The following PSD4 variants were observed in gnomAD, a reference collection of about 807,000 sequenced individuals.
PSD4 encodes the protein PH and SEC7 domain-containing protein 4.
Under a neutral mutation model 112.5 loss-of-function variants are expected in PSD4, and 59 were observed. The observed-to-expected ratio is 0.52, with a 90% confidence interval of 0.43 to 0.65. PSD4 has a LOEUF of 0.65. Ranked by LOEUF, PSD4 falls within the 30% of genes least tolerant of loss-of-function variation. The probability of loss-of-function intolerance (pLI) is 0.00; values close to 1 mark genes in which losing one functional copy is unlikely to be tolerated. For synonymous variants in PSD4, 533 were observed against 540.0 expected (o/e 0.99, Z 0.18); for missense variants, 1,267 against 1,352.6 (o/e 0.94, Z 0.99).
intron 10 of PSD4, 86 bp downstream of exon 10, chr2:113,194,034 C>A: frequency 7.5e-7 from 1 of 1,325,902 alleles, no homozygotes; most frequent in Non-Finnish European, 1.1e-6. Flanking sequence ...GAGCTTGGGA[C>A]TGGCTTTGCC....
rs143129434 is a variant in PSD4, at chr2:113,201,396, G to A, written c.3152G>A (p.Arg1051Gln). ...RRTYRKIIPK[R>Q]NRNQL ...ACCTACCGGAAGATCATCCCTAAGCGGAACCGCAATCAGCTGTGAAGCCAG... is the reference window on the plus strand; with the variant it reads ...ACCTACCGGAAGATCATCCCTAAGCAGAACCGCAATCAGCTGTGAAGCCAG... The change falls in exon 17 of 17, where the codon CGG becomes CAG. Residue 1051 changes from arginine to glutamine, a missense_variant. Physicochemically the swap from Arg to Gln is conservative, Grantham distance 43 (BLOSUM62 1). Around this residue, in one of 2 missense-constraint regions of PSD4, gnomAD observed 544 missense variants for 648.6 expected, o/e 0.84. Coordinates refer to ENST00000245796, the MANE Select transcript of PSD4 (RefSeq NM_012455.3). 6,215 of 1,613,966 alleles carry A rather than the reference G, an allele frequency of 3.9e-3. 16 individuals carry two copies. The highest frequency in any genetic ancestry group is 4.4e-3 in the Non-Finnish European group (5,251 of 1,180,014).
rs200372275 is a variant in PSD4 at position 113,195,710 on chromosome 2, G to C, written c.2182-17G>C. ...AGCCCTGAGGCTCCCCTGCCCACCT[G>C]TGTGCTTCTGTTCCAGGCCCTCTAC... On this transcript the variant is annotated splice_polypyrimidine_tract_variant and intron_variant, in intron 10 of 16. Coordinates refer to ENST00000245796, the MANE Select transcript of PSD4 (RefSeq NM_012455.3). 229 of 1,614,162 alleles carry C rather than the reference G, an allele frequency of 1.4e-4. No individual in the cohort carries two copies. The highest frequency in any genetic ancestry group is 1.8e-4 in the Non-Finnish European group (216 of 1,180,020).
Position 113,196,184 on chromosome 2 carries a change from C to G in PSD4, c.2263C>G (p.Pro755Ala). 1 of 1,613,778 alleles carries G rather than the reference C, an allele frequency of 6.2e-7. No individual in the cohort carries two copies. The highest frequency in any genetic ancestry group is 8.5e-7 in the Non-Finnish European group (1 of 1,179,660). ...EDTARPEKAQPSLPAGKMSKP... is the reference protein window; with the variant it reads ...EDTARPEKAQASLPAGKMSKP... ...CACAGCCAGACCTGAGAAGGCCCAG[C>G]CGTCCCTGCCAGCTGGCAAGATGAG... Residue 755 changes from proline (P) to alanine (A), a missense_variant, in exon 12 of 17, where the codon CCG (proline) becomes GCG (alanine). Transcript: ENST00000245796.
At chr2:113,182,305 A>G (rs1386337703) in intron 1 of PSD4, 41 bp from the exon 2 acceptor site, 3 of 717,296 alleles carry the variant, frequency 4.2e-6, no homozygotes, top group Non-Finnish European at 7.0e-6. Flanking sequence ...CCAGAGGCTG[A>G]CAGCCCTTCC....
chr2:113,188,823 C>A (rs1688374065), intron 5 of PSD4, among the ~76,000 whole-genome samples: 1 of 152,238 alleles, frequency 6.6e-6, no homozygotes, highest in African/African-American at 2.4e-5. Context: ...CCGCCTTGGC[C>A]TCCTAAAGTG....
rs1687897110 is a variant in PSD4, at chr2:113,173,975, T to A, written c.-191T>A. ...GAAGCTCCAGCCGTCACAGCCACAT[T>A]CACTGGGCAAGCCGACTGTGAGCCA... On this transcript the variant is annotated 5_prime_UTR_variant, in exon 1 of 17. Transcript: ENST00000245796. The A allele has an allele frequency of 6.6e-6, 1 of 152,338 alleles. No homozygotes were observed. The highest frequency in any genetic ancestry group is 2.1e-4 in the South Asian group (1 of 4,834). 9.4% of individuals were successfully genotyped at this position (152,338 alleles called of 1,614,324 possible).
At position 113,186,221 on chromosome 2, in the gene PSD4, G is replaced by A. The variant is rs753908522; in HGVS notation, c.1594G>A (p.Val532Ile). 12 of 1,602,682 alleles carry A rather than the reference G, an allele frequency of 7.5e-6. No homozygotes were observed. In the South Asian group the frequency reaches 7.8e-5, roughly 10 times the overall value. The change falls in exon 5 of 17, where the codon GTC becomes ATC. Residue 532 changes from valine to isoleucine, a missense_variant. Physicochemically the swap from Val to Ile is conservative, Grantham distance 29. Coordinates refer to ENST00000245796, the MANE Select transcript of PSD4 (RefSeq NM_012455.3). The part of the protein sequence containing the change: ...GTARPAETGD[V>I]QPDIHLTSAE... ...AGCCAGGCCTGCAGAGACTGGAGAC[G>A]TCCAGCCTGACATTCACCTGACTTC...
intron 1 of PSD4, among the ~76,000 whole-genome samples, chr2:113,174,834 CT>C (rs1687924225): frequency 6.6e-6 from 1 of 152,180 alleles, no homozygotes; most frequent in Non-Finnish European, 1.5e-5. Context: ...CCATTCCCCC[CT>C]TATTCCAGGG....
rs1688186336 is a variant in PSD4 at position 113,182,912 on chromosome 2, ACAGGTAGTGTTCTGGGCAGGCATCCTG to A, written c.461_487del (p.Val154_Gln162del). ...CAAAGCAGAACCGGAGCACGTCCAC[ACAGGTAGTGTTCTGGGCAGGCATCCTG>A]CAGGCCCAGATGTGTGTCCTAGACC... is the stretch of plus-strand genomic sequence containing the variant. On this transcript the variant is annotated inframe_deletion, in exon 2 of 17. Transcript: ENST00000245796. The A allele has an allele frequency of 6.2e-7, 1 of 1,614,202 alleles. No homozygotes were observed. Among genetic ancestry groups the A allele is most frequent in the African/African-American group, 1.3e-5 (1 of 75,046 alleles).
intron 1 of PSD4, among the ~76,000 whole-genome samples, chr2:113,180,082 G>A (rs1688087233): frequency 6.6e-6 from 1 of 152,110 alleles, no homozygotes; most frequent in Admixed American, 6.5e-5. Context: ...CTTCTCTCAG[G>A]TGCCCTCCAG....
rs761265719 is a variant in PSD4 at position 113,198,897 on chromosome 2, G to A, written c.2769+13G>A. On this transcript the variant is annotated intron_variant, in intron 15 of 16. Coordinates refer to ENST00000245796, the MANE Select transcript of PSD4 (RefSeq NM_012455.3). ...CCAGAGCTCCCTGGTACGGCCTCCG[G>A]GAAGGGGTGGGGTCCGGCGGAACTG... 6.4e-7 allele frequency: 1 copy of A among 1,568,660 alleles called. No individual in the cohort carries two copies. Among genetic ancestry groups the A allele is most frequent in the Non-Finnish European group, 8.6e-7 (1 of 1,164,504 alleles).
Position 113,186,088 on chromosome 2 carries a change from T to C in PSD4, c.1461T>C (p.Ala487=). ...TTTTGCCCAAGTGGACACTAGATGC[T>C]TCACAGTCTTCACTCTTGGAGACGG... ...SGILPKWTLD[A]SQSSLLETDG... Residue 487 remains alanine (A), a synonymous_variant, in exon 5 of 17, where the codon GCT becomes GCC. Transcript: ENST00000245796. 6.2e-7 allele frequency: 1 copy of C among 1,614,166 alleles called. No homozygotes were observed. The highest frequency in any genetic ancestry group is 1.1e-5 in the South Asian group (1 of 91,082).
chr2:113,192,731 A>C, intron 6 of PSD4, 142 bp downstream of exon 6: 1 of 852,050 alleles, frequency 1.2e-6, no homozygotes, highest in Non-Finnish European at 1.8e-6. Context: ...TTTCCCCCAT[A>C]CCCTCACTGT....
chr2:113,194,863 T>C (rs531806819), intron 10 of PSD4, among the ~76,000 whole-genome samples: 3 of 152,390 alleles, frequency 2.0e-5, no homozygotes, highest in East Asian at 3.9e-4. Flanking sequence ...GATGCTGTTA[T>C]ATGGTACATG....
rs2276561 is a variant in PSD4, at chr2:113,198,794, G to C, written c.2679G>C (p.Thr893=). The change falls in exon 15 of 17, where the codon ACG becomes ACC. Residue 893 remains threonine, a synonymous_variant. Coordinates refer to ENST00000245796, the MANE Select transcript of PSD4 (RefSeq NM_012455.3). ...WIARINLAAA[T]HSAPPFPAAV... is the part of the protein sequence containing the mutation. ...CGCGCATCAACTTGGCTGCGGCCAC[G>C]CACTCCGCGCCGCCCTTCCCCGCCG... The C allele has an allele frequency of 0.48, 759,540 of 1,586,758 alleles. 186,350 individuals are homozygous for C. The highest frequency in any genetic ancestry group is 0.64 in the East Asian group (28,406 of 44,044).
At chr2:113,192,792 C>T (rs1446425943) in intron 6 of PSD4, among the ~76,000 whole-genome samples, 1 of 152,206 alleles carries the variant, frequency 6.6e-6, no homozygotes, top group African/African-American at 2.4e-5. Flanking sequence ...CACCCTTGGT[C>T]CTTGGTCCCC....
chr2:113,177,568 G>C (rs1315272740), intron 1 of PSD4, among the ~76,000 whole-genome samples: 1 of 152,106 alleles, frequency 6.6e-6, no homozygotes, highest in Non-Finnish European at 1.5e-5. Context: ...GTCACAGGGG[G>C]GCCTGAACCT....
intron 5 of PSD4, among the ~76,000 whole-genome samples, chr2:113,189,197 A>G (rs1447321649): frequency 6.6e-6 from 1 of 152,098 alleles, no homozygotes; most frequent in African/African-American, 2.4e-5. Flanking sequence ...ACTTAGAATA[A>G]TAGTTTCCAA....
At position 113,199,100 on chromosome 2, in the gene PSD4, C is replaced by A; in HGVS notation, c.2787C>A (p.Ser929=). ...GCTCGCAGGAGGAGCAGCATCGATC[C>A]CACGAGAACTGCCTGGACGCTGCCG... ...AQSSLEEQHR[S]HENCLDAAAD... Residue 929 remains serine, a synonymous_variant, in exon 16 of 17, where the codon TCC becomes TCA. Transcript: ENST00000245796. 6.5e-7 allele frequency: 1 copy of A among 1,532,588 alleles called. No homozygotes were observed. The allele number at this position is 1,532,588 out of a possible 1,614,324, so 94.9% of individuals were successfully genotyped here.
Sources: gnomAD v4.1 joint callset for allele counts (sites outside exome capture counted in the v4.1 genomes callset) on GRCh38, gnomAD v4.1.1 for gene constraint, gnomAD v4.1.1 regional missense constraint, MANE v1.5 for transcripts, NCBI Gene and HGNC (gene_info 2026-07-23, HGNC 2026-07-21) for gene names.